SLC35F4: variants seen among roughly 807,000 people sequenced by gnomAD.
SLC35F4 encodes chromosome 14 open reading frame 36.
A neutral mutation model predicts 44.2 loss-of-function variants in SLC35F4; 24 were observed. The observed-to-expected ratio is 0.54, with a 90% CI of 0.39 to 0.76. SLC35F4 has a LOEUF of 0.76. Among genes scored for constraint, SLC35F4 ranks in the 30% least tolerant of loss-of-function variants. The probability of loss-of-function intolerance (pLI) is 0.00; values close to 1 mark genes in which losing one functional copy is unlikely to be tolerated. For synonymous variants in SLC35F4, 238 were observed against 223.6 expected, an observed-to-expected ratio of 1.06 and a Z score of -0.57; for missense variants, 562 against 586.1, an observed-to-expected ratio of 0.96 and a Z score of 0.42.
At chr14:57,753,201 A>G (rs371953131) in intron 1 of SLC35F4, among the ~76,000 whole-genome samples, 1 of 152,124 alleles carries the variant, frequency 6.6e-6, no homozygotes, top group Non-Finnish European at 1.5e-5. Context: ...TTCTGCAAAG[A>G]TGGCATGTAT....
chr14:57,601,627 G>C (rs1213577497), intron 1 of SLC35F4, among the ~76,000 whole-genome samples: 1 of 152,068 alleles, frequency 6.6e-6, no homozygotes, highest in African/African-American at 2.4e-5. Flanking sequence ...TGAAAGAAAG[G>C]AGTACTAATG....
In SLC35F4 at chr14:57,703,888, A is replaced by G. The variant is rs534848746; in HGVS notation, c.104-109764T>C. On this transcript the variant is annotated intron_variant, in intron 1 of 7. Transcript: ENST00000556826. ...AGGGCGTAATTTTTTCCTAAAAAACAAAAACAAAAACCAGGCTGTATCCTG... is the reference window on the plus strand; with the variant it reads ...AGGGCGTAATTTTTTCCTAAAAAACGAAAACAAAAACCAGGCTGTATCCTG... 2.8e-4 allele frequency among the ~76,000 whole-genome samples: 42 copies of G among 152,298 alleles called. 1 individual carries two copies. In the South Asian group the frequency reaches 8.1e-3, roughly 29 times the overall value.
chr14:57,716,184 C>A (rs1383566804), intron 1 of SLC35F4, among the ~76,000 whole-genome samples: 1 of 152,104 alleles, frequency 6.6e-6, no homozygotes, highest in African/African-American at 2.4e-5. Flanking sequence ...GGGGAGGGGG[C>A]ATGGACTCTG....
chr14:57,915,932 A>G (rs1203457149), intron 1 of SLC35F4, among the ~76,000 whole-genome samples: 1 of 152,164 alleles, frequency 6.6e-6, no homozygotes, highest in African/African-American at 2.4e-5. Context: ...CCCATCCCCA[A>G]GTTCCAACAC....
chr14:57,823,720 A>G (rs140744347), intron 1 of SLC35F4, among the ~76,000 whole-genome samples: 2 of 152,348 alleles, frequency 1.3e-5, no homozygotes, highest in East Asian at 3.9e-4. Flanking sequence ...TGTTTATTAC[A>G]TAGAAATTCA....
intron 1 of SLC35F4, among the ~76,000 whole-genome samples, chr14:57,847,690 A>G (rs1253640414): frequency 6.6e-6 from 1 of 152,218 alleles, no homozygotes; most frequent in East Asian, 1.9e-4. Flanking sequence ...TCATAAACGT[A>G]TCAATGTAAC....
At chr14:57,736,461 A>C (rs1341291683) in intron 1 of SLC35F4, among the ~76,000 whole-genome samples, 1 of 152,200 alleles carries the variant, frequency 6.6e-6, no homozygotes, top group Admixed American at 6.5e-5. Context: ...CCACCTGTGG[A>C]AAACTTAACT....
At chr14:57,864,893 T>C (rs1417315833) in intron 1 of SLC35F4, among the ~76,000 whole-genome samples, 3 of 152,200 alleles carry the variant, frequency 2.0e-5, no homozygotes, top group African/African-American at 7.2e-5. Flanking sequence ...TGGGTTTGTG[T>C]ACTGGGGGAG....
At chr14:57,928,041 G>A (rs991336736) in intron 1 of SLC35F4, among the ~76,000 whole-genome samples, 1 of 151,188 alleles carries the variant, frequency 6.6e-6, no homozygotes, top group African/African-American at 2.4e-5. Flanking sequence ...GTTCTACTCT[G>A]GTGTAACACC....
intron 1 of SLC35F4, among the ~76,000 whole-genome samples, chr14:57,663,693 C>A (rs144553575): frequency 7.8e-4 from 119 of 152,216 alleles, no homozygotes; most frequent in African/African-American, 2.6e-3. Context: ...TGGAAAGAGC[C>A]ACAGGTAACT....
At chr14:57,725,752 T>C (rs2076186479) in intron 1 of SLC35F4, among the ~76,000 whole-genome samples, 1 of 152,166 alleles carries the variant, frequency 6.6e-6, no homozygotes, top group South Asian at 2.1e-4. Context: ...TGGGGCAAAG[T>C]TCTCCAGAAG....
intron 1 of SLC35F4, among the ~76,000 whole-genome samples, chr14:57,934,077 T>G (rs982176212): frequency 4.6e-5 from 7 of 152,072 alleles, no homozygotes; most frequent in African/African-American, 1.7e-4. Context: ...TTCTGTCCAT[T>G]TTTTAAAAAG....
rs187057237 is a variant in SLC35F4, at chr14:57,683,903, C to T, written c.104-89779G>A. Among the ~76,000 whole-genome samples, 516 of 152,146 alleles carry T rather than the reference C, an allele frequency of 3.4e-3. 5 individuals carry two copies. Among genetic ancestry groups the T allele is most frequent in the African/African-American group, 0.012 (481 of 41,502 alleles). On this transcript the variant is annotated intron_variant, in intron 1 of 7. Transcript: ENST00000556826. The stretch of plus-strand genomic sequence containing the variant: ...GAGCTGAACAGAAGGGCAGAATGTT[C>T]CTACATAGGAGTGGCCATCTGATGG...
At chr14:57,898,081 G>A (rs1273668946) in intron 1 of SLC35F4, among the ~76,000 whole-genome samples, 2 of 152,162 alleles carry the variant, frequency 1.3e-5, no homozygotes, top group Non-Finnish European at 2.9e-5. Flanking sequence ...CATCCCTAGT[G>A]AGTGATTGTT....
chr14:57,622,647 C>T (rs1192207025), intron 1 of SLC35F4, among the ~76,000 whole-genome samples: 3 of 151,814 alleles, frequency 2.0e-5, no homozygotes, highest in Non-Finnish European at 4.4e-5. Context: ...GGAAGGGGAA[C>T]ATCACACTCT....
chr14:57,841,440 T>A (rs1484261553), intron 1 of SLC35F4, among the ~76,000 whole-genome samples: 1 of 152,112 alleles, frequency 6.6e-6, no homozygotes, highest in Admixed American at 6.6e-5. Flanking sequence ...TAAGTGGAAA[T>A]CCAACTTTTT....
At chr14:57,858,048 G>A (rs1172461154) in intron 1 of SLC35F4, among the ~76,000 whole-genome samples, 1 of 152,046 alleles carries the variant, frequency 6.6e-6, no homozygotes, top group East Asian at 1.9e-4. Context: ...TGGAGAGGAT[G>A]TGGAGAAATA....
intron 1 of SLC35F4, among the ~76,000 whole-genome samples, chr14:57,627,305 C>T (rs552492437): frequency 2.0e-5 from 3 of 151,886 alleles, no homozygotes; most frequent in Non-Finnish European, 4.4e-5. Flanking sequence ...AAAATGGGTT[C>T]GATAAATATA....
intron 1 of SLC35F4, among the ~76,000 whole-genome samples, chr14:57,811,583 C>G (rs1205700699): frequency 1.3e-5 from 2 of 151,924 alleles, no homozygotes; most frequent in African/African-American, 4.8e-5. Flanking sequence ...TCTTTGTTTT[C>G]TAAAGAGAAA....
Sources: allele counts gnomAD v4.1 joint callset (sites outside exome capture counted in the v4.1 genomes callset), GRCh38; gene constraint gnomAD v4.1.1; transcripts MANE v1.5; gene names NCBI Gene and HGNC (gene_info 2026-07-23, HGNC 2026-07-21).